ZRANB3: variants seen among roughly 807,000 people sequenced by gnomAD.
ZRANB3 encodes the protein zinc finger RANBP2-type containing 3.
ZRANB3 carries 125 observed loss-of-function variants against 133.8 expected under a neutral mutation model. The ratio of observed to expected loss-of-function variants is 0.93; its 90% CI spans 0.81 to 1.08. The LOEUF (loss-of-function observed/expected upper bound fraction) is 1.08. ZRANB3 is among the 50% of genes least tolerant of loss of function. The pLI is 0.00. For missense variants in ZRANB3, 1,229 were observed against 1,275.5 expected (o/e 0.96, Z 0.56); for synonymous variants, 387 against 432.7 (o/e 0.89, Z 1.31).
At chr2:135,212,543 A>G (rs970801848) in intron 17 of ZRANB3, among the ~76,000 whole-genome samples, 1 of 152,218 alleles carries the variant, frequency 6.6e-6, no homozygotes, top group Non-Finnish European at 1.5e-5. Context: ...AAATTTTTGG[A>G]AACCACAAGA....
intron 6 of ZRANB3, among the ~76,000 whole-genome samples, chr2:135,338,937 G>A (rs1391233056): frequency 6.6e-6 from 1 of 152,140 alleles, no homozygotes; most frequent in African/African-American, 2.4e-5. Flanking sequence ...TAGAATAAAT[G>A]TATGGGCTTT....
intron 2 of ZRANB3, among the ~76,000 whole-genome samples, chr2:135,501,658 G>C (rs1205968796): frequency 2.0e-5 from 3 of 152,060 alleles, no homozygotes; most frequent in African/African-American, 7.2e-5. Flanking sequence ...TCTCAATTTA[G>C]AGACTTTCCT....
intron 2 of ZRANB3, among the ~76,000 whole-genome samples, chr2:135,436,982 C>T (rs561064759): frequency 6.6e-5 from 10 of 152,250 alleles, no homozygotes; most frequent in Admixed American, 2.6e-4. Context: ...TTTTTTGAGA[C>T]GGAGTCTCGC....
intron 17 of ZRANB3, among the ~76,000 whole-genome samples, chr2:135,215,726 G>A (rs559050589): frequency 6.6e-6 from 1 of 152,118 alleles, no homozygotes; most frequent in Non-Finnish European, 1.5e-5. Flanking sequence ...GGCATAAAGT[G>A]TAAAGTCCCT....
chr2:135,321,680 A>C (rs1683533829), intron 6 of ZRANB3, among the ~76,000 whole-genome samples: 1 of 151,992 alleles, frequency 6.6e-6, no homozygotes, highest in Non-Finnish European at 1.5e-5. Flanking sequence ...GGGTTTTGCC[A>C]TGTTGGCCAG....
At chr2:135,360,070 G>A (rs1250164335) in intron 3 of ZRANB3, among the ~76,000 whole-genome samples, 1 of 152,114 alleles carries the variant, frequency 6.6e-6, no homozygotes. Flanking sequence ...AATTTGAAAA[G>A]GACTACCTTT....
At chr2:135,390,892 C>T (rs546055491) in intron 2 of ZRANB3, 72 bp from the exon 3 acceptor site, 19 of 1,421,334 alleles carry the variant, frequency 1.3e-5, no homozygotes, top group East Asian at 1.0e-4. Context: ...GATGGAGTCT[C>T]GCTCTGTCAC....
intron 2 of ZRANB3, among the ~76,000 whole-genome samples, chr2:135,422,967 T>C (rs1042196916): frequency 6.6e-6 from 1 of 152,172 alleles, no homozygotes; most frequent in Admixed American, 6.5e-5. Flanking sequence ...AAAATCAAGA[T>C]ATCAACAGGG....
intron 8 of ZRANB3, among the ~76,000 whole-genome samples, chr2:135,311,140 A>G (rs1682948985): frequency 1.3e-5 from 2 of 152,204 alleles, no homozygotes; most frequent in African/African-American, 4.8e-5. Context: ...TTATTACCCC[A>G]TATAAATATG....
chr2:135,292,086 T>C (rs1393012011), intron 8 of ZRANB3, among the ~76,000 whole-genome samples: 8 of 152,222 alleles, frequency 5.3e-5, no homozygotes, highest in Non-Finnish European at 7.3e-5. Context: ...AGCAGCATGT[T>C]TGATAATCCT....
chr2:135,515,096 T>C (rs1310167164), intron 1 of ZRANB3, among the ~76,000 whole-genome samples: 1 of 152,020 alleles, frequency 6.6e-6, no homozygotes, highest in Non-Finnish European at 1.5e-5. Context: ...CCAGAAATCA[T>C]CTTTTTTTGT....
At chr2:135,398,486 CT>C (rs1206943700) in intron 2 of ZRANB3, among the ~76,000 whole-genome samples, 2 of 150,694 alleles carry the variant, frequency 1.3e-5, no homozygotes, top group African/African-American at 4.9e-5. Context: ...TTTTTTCTAC[CT>C]CCTTTGAACA....
intron 3 of ZRANB3, among the ~76,000 whole-genome samples, chr2:135,356,869 T>C (rs1161032093): frequency 6.6e-6 from 1 of 151,988 alleles, no homozygotes; most frequent in Non-Finnish European, 1.5e-5. Flanking sequence ...CATGCCCAGC[T>C]ATTTTTTTTG....
chr2:135,234,411 C>T (rs542636011), intron 12 of ZRANB3, among the ~76,000 whole-genome samples: 1 of 152,256 alleles, frequency 6.6e-6, no homozygotes, highest in South Asian at 2.1e-4. Context: ...CAAGGATATC[C>T]AGGAACTGAA....
chr2:135,365,236 C>T (rs1685873708), intron 3 of ZRANB3, among the ~76,000 whole-genome samples: 1 of 152,142 alleles, frequency 6.6e-6, no homozygotes, highest in Non-Finnish European at 1.5e-5. Flanking sequence ...CACTGCACTC[C>T]AGCCTGGGTG....
At position 135,204,271 on chromosome 2, in the gene ZRANB3, G is replaced by C. The variant is rs544538717; in HGVS notation, c.3010-1308C>G. On this transcript the variant is annotated intron_variant, in intron 19 of 20. Transcript: ENST00000264159. ...GTATTGATTTTTGTTTTTGAGGTTG[G>C]CATTGTTAGAAGCTACTACAAATGG... Among the ~76,000 whole-genome samples the C allele has an allele frequency of 9.2e-5, 14 of 152,178 alleles. No individual in the cohort carries two copies. In the South Asian group the frequency reaches 2.5e-3, roughly 27 times the overall value.
At chr2:135,426,593 G>A (rs1184564263) in intron 2 of ZRANB3, among the ~76,000 whole-genome samples, 3 of 151,694 alleles carry the variant, frequency 2.0e-5, no homozygotes, top group Non-Finnish European at 4.4e-5. Context: ...AGTTTGGGAG[G>A]CTGGGGCGGG....
intron 2 of ZRANB3, among the ~76,000 whole-genome samples, chr2:135,502,935 A>G (rs1264870827): frequency 6.6e-6 from 1 of 152,234 alleles, no homozygotes; most frequent in African/African-American, 2.4e-5. Flanking sequence ...CTACTAATAC[A>G]TGAATCTCAC....
chr2:135,384,059 GT>G (rs1264773757), intron 3 of ZRANB3, among the ~76,000 whole-genome samples: 3 of 152,092 alleles, frequency 2.0e-5, no homozygotes, highest in Non-Finnish European at 4.4e-5. Flanking sequence ...CCAGGAGCTG[GT>G]TTTTTGAAAA....
Sources: allele counts gnomAD v4.1 joint callset (sites outside exome capture counted in the v4.1 genomes callset), GRCh38; gene constraint gnomAD v4.1.1; transcripts MANE v1.5; gene names NCBI Gene and HGNC (gene_info 2026-07-23, HGNC 2026-07-21).